The following RBFOX1 variants were observed in gnomAD, a reference collection of about 807,000 sequenced individuals.
RBFOX1 encodes the protein RNA binding protein fox-1 homolog 1.
In RBFOX1, 8 loss-of-function variants were observed where a neutral mutation model predicts 57.7. That is an observed-to-expected ratio of 0.14 (90% CI 0.08 to 0.25). RBFOX1 has a LOEUF of 0.25. Among genes scored for constraint, RBFOX1 ranks in the 10% least tolerant of loss-of-function variants. The pLI, the probability that RBFOX1 is intolerant of heterozygous loss-of-function variation, is 1.00. For synonymous variants in RBFOX1, 326 were observed against 222.4 expected (o/e 1.47, Z -4.15); for missense variants, 611 against 548.5 (o/e 1.11, Z -1.14).
intron 4 of RBFOX1, among the ~76,000 whole-genome samples, chr16:5,967,428 G>C (rs531461497): frequency 6.6e-6 from 1 of 152,056 alleles, no homozygotes; most frequent in Non-Finnish European, 1.5e-5. Flanking sequence ...CCCGGTATTG[G>C]AATCAGTAAT....
chr16:7,290,067 G>C (rs2095736988), intron 4 of RBFOX1, among the ~76,000 whole-genome samples: 1 of 152,218 alleles, frequency 6.6e-6, no homozygotes, highest in South Asian at 2.1e-4. Context: ...GCACACCACT[G>C]TTTCTCAGAT....
At chr16:5,639,473 A>C (rs2048791147) in intron 3 of RBFOX1, among the ~76,000 whole-genome samples, 1 of 152,194 alleles carries the variant, frequency 6.6e-6, no homozygotes, top group Non-Finnish European at 1.5e-5. Flanking sequence ...GAAAGTGAGA[A>C]GGCCTCGGAA....
intron 1 of RBFOX1, among the ~76,000 whole-genome samples, chr16:6,300,657 A>G (rs2078705535): frequency 6.6e-6 from 1 of 152,174 alleles, no homozygotes; most frequent in Non-Finnish European, 1.5e-5. Context: ...GGCTCCGGAA[A>G]ACTATTCCTG....
intron 4 of RBFOX1, among the ~76,000 whole-genome samples, chr16:7,320,917 G>A (rs974877948): frequency 1.3e-5 from 2 of 152,138 alleles, no homozygotes; most frequent in African/African-American, 4.8e-5. Flanking sequence ...GGGAAAAACA[G>A]CCAGGGATTT....
At chr16:6,067,223 A>C (rs1301969303) in intron 1 of RBFOX1, among the ~76,000 whole-genome samples, 1 of 152,212 alleles carries the variant, frequency 6.6e-6, no homozygotes, top group Non-Finnish European at 1.5e-5. Flanking sequence ...CAGGGCATGC[A>C]GGCCAAAAGT....
chr16:5,792,961 G>A (rs2054751251), intron 3 of RBFOX1, among the ~76,000 whole-genome samples: 1 of 152,234 alleles, frequency 6.6e-6, no homozygotes, highest in Non-Finnish European at 1.5e-5. Flanking sequence ...GGAGGAGGAA[G>A]AGAAAGGGTT....
At chr16:6,330,739 A>G (rs771609603) in intron 2 of RBFOX1, among the ~76,000 whole-genome samples, 1 of 152,248 alleles carries the variant, frequency 6.6e-6, no homozygotes, top group Non-Finnish European at 1.5e-5. Flanking sequence ...ATAAAATAGT[A>G]TAATTACAAA....
chr16:6,390,294 A>G (rs72760904), intron 2 of RBFOX1, among the ~76,000 whole-genome samples: 11,738 of 152,236 alleles, frequency 0.077, 502 homozygotes, highest in Non-Finnish European at 0.085. Flanking sequence ...AGAGATGGAA[A>G]GACAAAATCT....
At chr16:5,776,288 G>A (rs763229997) in intron 3 of RBFOX1, among the ~76,000 whole-genome samples, 2 of 152,216 alleles carry the variant, frequency 1.3e-5, no homozygotes, top group African/African-American at 2.4e-5. Context: ...CTGGGGAAGT[G>A]TCTTATGTAA....
At chr16:6,054,572 C>T (rs1398102568) in intron 1 of RBFOX1, among the ~76,000 whole-genome samples, 3 of 152,044 alleles carry the variant, frequency 2.0e-5, no homozygotes, top group South Asian at 2.1e-4. Flanking sequence ...ACACCCTGAC[C>T]ATGATTCATA....
chr16:5,420,698 T>C (rs530876832), intron 1 of RBFOX1, among the ~76,000 whole-genome samples: 1 of 152,220 alleles, frequency 6.6e-6, no homozygotes, highest in Non-Finnish European at 1.5e-5. Context: ...CATGCCTGGC[T>C]AATTTTTGTA....
At chr16:7,195,703 C>G (rs888440515) in intron 4 of RBFOX1, among the ~76,000 whole-genome samples, 1 of 152,118 alleles carries the variant, frequency 6.6e-6, no homozygotes, top group African/African-American at 2.4e-5. Context: ...CAGGCCTGCA[C>G]CACCACACTT....
At chr16:7,534,905 C>G (rs10459831) in intron 5 of RBFOX1, among the ~76,000 whole-genome samples, 6,213 of 152,228 alleles carry the variant, frequency 0.041, 192 homozygotes, top group East Asian at 0.12. Context: ...GCTCGAATGT[C>G]AAGCGCTGCA....
At chr16:6,893,332 T>C (rs948496825) in intron 3 of RBFOX1, among the ~76,000 whole-genome samples, 2 of 152,164 alleles carry the variant, frequency 1.3e-5, no homozygotes, top group Non-Finnish European at 1.5e-5. Context: ...CAAACTCATA[T>C]AGGTCATCTA....
chr16:7,225,224 T>C (rs1324507433), intron 4 of RBFOX1, among the ~76,000 whole-genome samples: 2 of 152,122 alleles, frequency 1.3e-5, no homozygotes, highest in South Asian at 2.1e-4. Flanking sequence ...ATGGGTGATA[T>C]GGGTTGGCTG....
At chr16:7,579,307 A>G (rs1031422982) in intron 5 of RBFOX1, among the ~76,000 whole-genome samples, 4 of 152,202 alleles carry the variant, frequency 2.6e-5, no homozygotes, top group African/African-American at 9.6e-5. Context: ...CTGAACAATT[A>G]TGTAGGCATA....
At chr16:6,560,070 C>T (rs6500797) in intron 2 of RBFOX1, among the ~76,000 whole-genome samples, 11,317 of 151,916 alleles carry the variant, frequency 0.074, 1,328 homozygotes, top group African/African-American at 0.25. Context: ...ATTTCCCTTT[C>T]CCCTAAGAAG....
At chr16:5,783,499 A>AG (rs1463123239) in intron 3 of RBFOX1, among the ~76,000 whole-genome samples, 2 of 152,230 alleles carry the variant, frequency 1.3e-5, no homozygotes, top group African/African-American at 4.8e-5. Flanking sequence ...AAAAGTGGAT[A>AG]GAAAAAAATC....
At chr16:7,305,967 T>G (rs968281540) in intron 4 of RBFOX1, among the ~76,000 whole-genome samples, 3 of 152,192 alleles carry the variant, frequency 2.0e-5, no homozygotes, top group African/African-American at 7.2e-5. Context: ...ACCAGTTATT[T>G]CCACCGGAAG....
Sources: gnomAD v4.1 joint callset for allele counts (sites outside exome capture counted in the v4.1 genomes callset) on GRCh38, gnomAD v4.1.1 for gene constraint, MANE v1.5 for transcripts, NCBI Gene and HGNC (gene_info 2026-07-23, HGNC 2026-07-21) for gene names.